Variants in DPP6 observed in about 807,000 individuals in gnomAD.
DPP6 encodes the protein dipeptidyl peptidase like 6.
In DPP6, 69 loss-of-function variants were observed where a neutral mutation model predicts 122.6. The ratio of observed to expected loss-of-function variants is 0.56; its 90% CI spans 0.46 to 0.69. The LOEUF (loss-of-function observed/expected upper bound fraction) is 0.69. DPP6 is among the 30% of genes least tolerant of loss of function. The pLI, the probability that DPP6 is intolerant of heterozygous loss-of-function variation, is 0.00. For missense variants in DPP6, 928 were observed against 1,116.9 expected (o/e 0.83, Z 2.41); for synonymous variants, 418 against 433.1 (o/e 0.97, Z 0.43).
At chr7:153,763,477 A>G in the DPP6 span, among the ~76,000 whole-genome samples, 90 of 152,100 alleles carry the variant, frequency 5.9e-4, 1 homozygote, top group Middle Eastern at 3.4e-3. Context: ...GTTAGAGCTC[A>G]CCAGAACTGA....
intron 1 of DPP6, among the ~76,000 whole-genome samples, chr7:154,420,591 G>T (rs570176223): frequency 5.3e-4 from 80 of 152,228 alleles, no homozygotes; most frequent in Non-Finnish European, 1.0e-3. Context: ...GTCAAAAAAT[G>T]CAAAGTTTCC....
chr7:154,250,874 C>G (rs1483165801), intron 1 of DPP6, among the ~76,000 whole-genome samples: 1 of 152,116 alleles, frequency 6.6e-6, no homozygotes, highest in Non-Finnish European at 1.5e-5. Context: ...ATCCAAAATT[C>G]CAAAGCTTGG....
chr7:154,126,862 CT>C (rs2150620933), intron 1 of DPP6, among the ~76,000 whole-genome samples: 1 of 152,342 alleles, frequency 6.6e-6, no homozygotes, highest in South Asian at 2.1e-4. Context: ...CCGTTAAAGA[CT>C]TTCTGTGTAA....
intron 1 of DPP6, among the ~76,000 whole-genome samples, chr7:153,895,662 C>T (rs1799379195): frequency 6.6e-6 from 1 of 151,958 alleles, no homozygotes; most frequent in Non-Finnish European, 1.5e-5. Context: ...ATGCACCAGC[C>T]TTGATGACCC....
At chr7:154,592,713 G>A (rs1055969460) in intron 5 of DPP6, among the ~76,000 whole-genome samples, 1 of 152,262 alleles carries the variant, frequency 6.6e-6, no homozygotes. Context: ...AGGGTGGAGG[G>A]ACAGGGAGCA....
At chr7:153,959,090 C>G (rs886687166) in intron 1 of DPP6, among the ~76,000 whole-genome samples, 1 of 152,090 alleles carries the variant, frequency 6.6e-6, no homozygotes, top group Non-Finnish European at 1.5e-5. Context: ...AGGCCAAGAA[C>G]CTGGCCTCCT....
chr7:154,108,668 A>G (rs1806340727), intron 1 of DPP6, among the ~76,000 whole-genome samples: 1 of 152,242 alleles, frequency 6.6e-6, no homozygotes, highest in Non-Finnish European at 1.5e-5. Flanking sequence ...AATGCACACC[A>G]GGAGGAAACA....
At chr7:154,351,896 G>C (rs779434562) in intron 1 of DPP6, among the ~76,000 whole-genome samples, 1 of 152,118 alleles carries the variant, frequency 6.6e-6, no homozygotes, top group Non-Finnish European at 1.5e-5. Flanking sequence ...TCCTGGAAAG[G>C]TTCCCTGGTC....
At chr7:154,098,731 G>A (rs955243560) in intron 1 of DPP6, among the ~76,000 whole-genome samples, 5 of 121,620 alleles carry the variant, frequency 4.1e-5, no homozygotes, top group African/African-American at 1.7e-4. Flanking sequence ...AGTCAAGAAG[G>A]AGAAGAAAGA....
At chr7:154,749,312 T>G (rs1087704) in intron 8 of DPP6, among the ~76,000 whole-genome samples, 358 of 59,932 alleles carry the variant, frequency 6.0e-3, no homozygotes, top group Middle Eastern at 0.012. Context: ...ACTGAGAGAG[T>G]GTGAGGGAGC....
chr7:154,615,957 G>T (rs1256975423), intron 5 of DPP6, among the ~76,000 whole-genome samples: 4 of 152,140 alleles, frequency 2.6e-5, no homozygotes, highest in African/African-American at 4.8e-5. Flanking sequence ...GCCTATTCCA[G>T]GTACCTCGTA....
intron 2 of DPP6, among the ~76,000 whole-genome samples, chr7:154,456,043 C>A (rs181109679): frequency 7.6e-4 from 116 of 152,228 alleles, no homozygotes; most frequent in African/African-American, 2.6e-3. Context: ...CCAAAGGCAG[C>A]AATTCAGGAG....
rs755910218 is a variant in DPP6, at chr7:154,885,740, C to T, written c.2241C>T (p.Leu747=). The part of the protein sequence containing the change: ...SALSPITDFK[L]YASAFSERYL... The stretch of plus-strand genomic sequence containing the variant: ...TCTCTCCAATAACAGACTTCAAACT[C>T]TATGGTAAATAGCCCTGCAGGACCA... The change falls in exon 22 of 26, where the codon CTC becomes CTT. Residue 747 remains leucine, a synonymous_variant. Transcript: ENST00000377770. 3 of 1,589,980 alleles carry T rather than the reference C, an allele frequency of 1.9e-6. No homozygotes were observed. The highest frequency in any genetic ancestry group is 2.3e-5 in the South Asian group (2 of 87,132).
chr7:154,665,246 T>C (rs1254046111), intron 6 of DPP6, among the ~76,000 whole-genome samples: 1 of 152,246 alleles, frequency 6.6e-6, no homozygotes, highest in Non-Finnish European at 1.5e-5. Flanking sequence ...TTATATCCAA[T>C]GGGCTCCAGT....
At chr7:154,157,336 G>T (rs1366010102) in intron 1 of DPP6, among the ~76,000 whole-genome samples, 1 of 152,222 alleles carries the variant, frequency 6.6e-6, no homozygotes, top group Non-Finnish European at 1.5e-5. Context: ...CCCGGCACAG[G>T]TCCCTTCCCA....
the DPP6 span, among the ~76,000 whole-genome samples, chr7:153,849,279 T>C: frequency 6.6e-6 from 1 of 152,040 alleles, no homozygotes; most frequent in African/African-American, 2.4e-5. Context: ...TGTTTTCTTT[T>C]TTTTTTTTTG....
chr7:154,251,078 G>C (rs1802321739), intron 1 of DPP6, among the ~76,000 whole-genome samples: 1 of 152,224 alleles, frequency 6.6e-6, no homozygotes, highest in African/African-American at 2.4e-5. Flanking sequence ...CAGAGCAAAT[G>C]AGAAAATGTT....
the DPP6 span, among the ~76,000 whole-genome samples, chr7:153,781,147 T>G: frequency 1.3e-5 from 2 of 152,216 alleles, no homozygotes; most frequent in African/African-American, 4.8e-5. Context: ...TAATGAATTA[T>G]CTATGCACGT....
At chr7:154,158,789 C>T (rs951867156) in intron 1 of DPP6, among the ~76,000 whole-genome samples, 14 of 152,154 alleles carry the variant, frequency 9.2e-5, no homozygotes, top group Admixed American at 6.5e-4. Flanking sequence ...ATTTGATGGA[C>T]TTTTCTCTGG....
Sources: gnomAD v4.1 joint callset for allele counts (sites outside exome capture counted in the v4.1 genomes callset) on GRCh38, gnomAD v4.1.1 for gene constraint, MANE v1.5 for transcripts, NCBI Gene and HGNC (gene_info 2026-07-23, HGNC 2026-07-21) for gene names.